PIEZO1: variants seen among roughly 807,000 people sequenced by gnomAD.
PIEZO1 encodes the protein piezo-type mechanosensitive ion channel component 1.
PIEZO1 carries 296 observed loss-of-function variants against 297.2 expected under a neutral mutation model. The observed-to-expected ratio is 1.00, with a 90% CI of 0.91 to 1.10. The LOEUF (loss-of-function observed/expected upper bound fraction) is 1.10. PIEZO1 is among the 50% of genes least tolerant of loss of function. PIEZO1 has a pLI of 0.00. For missense variants in PIEZO1, 5,018 were observed against 3,455.5 expected (o/e 1.45, Z -11.34); for synonymous variants, 2,427 against 1,507.5 (o/e 1.61, Z -14.13).
chr16:88,785,020 C>CGGTGCGGG lies in PIEZO1; in HGVS notation c.-64_-57dup. On this transcript the variant is annotated 5_prime_UTR_variant, in exon 1 of 51. An upstream open reading frame in the 5' UTR loses its in-frame stop. Transcript: ENST00000301015. ...GAGCGGACGCCGCGGCGCTATGGGG[C>CGGTGCGGG]GGTGCGGGGGCCCCGGGGCCGGCGC... The CGGTGCGGG allele has an allele frequency of 9.0e-7, 1 of 1,109,744 alleles. No individual in the cohort carries two copies. The highest frequency in any genetic ancestry group is 1.1e-6 in the Non-Finnish European group (1 of 888,618). 68.7% of individuals were successfully genotyped at this position (1,109,744 alleles called of 1,614,324 possible).
chr16:88,754,088 C>A (rs1214614345), intron 1 of PIEZO1, among the ~76,000 whole-genome samples: 1 of 152,194 alleles, frequency 6.6e-6, no homozygotes, highest in East Asian at 1.9e-4. Context: ...GGTTCCCAAC[C>A]CCCAACCCCC....
In PIEZO1 at chr16:88,727,561, G is replaced by A. The variant is rs1904543202; in HGVS notation, c.3297C>T (p.Leu1099=). The part of the protein sequence containing the change: ...DFFRAPNSTN[L]ISDFLLLLCA... ...GGGGTGGTGGGGGGCACTCACTGAT[G>A]AGGTTGGTGGAGTTGGGGGCCCGGA... The change falls in exon 23 of 51, where the codon CTC becomes CTT. Residue 1099 remains leucine (L), a synonymous_variant. Transcript: ENST00000301015. 3 of 1,419,794 alleles carry A rather than the reference G, an allele frequency of 2.1e-6. No individual in the cohort carries two copies. The highest frequency in any genetic ancestry group is 2.9e-6 in the Non-Finnish European group (3 of 1,040,494). The allele number at this position is 1,419,794 out of a possible 1,614,324, so 87.9% of individuals were successfully genotyped here. A position where few individuals can be genotyped will look rare whatever the true frequency, so the allele number is the denominator to read the frequency against.
chr16:88,749,512 ACAGAGGATGGCCAGCCCCACCC>A (rs896882960), intron 1 of PIEZO1, 33 bp from the exon 2 acceptor site: 3 of 1,475,476 alleles, frequency 2.0e-6, no homozygotes, highest in Non-Finnish European at 2.7e-6. Flanking sequence ...TAGGTCGCCA[ACAGAGGATGGCCAGCCCCACCC>A]CAGAGGACAG....
At chr16:88,723,519 G>T (rs185659354) in intron 31 of PIEZO1, among the ~76,000 whole-genome samples, 191 bp from the exon 32 acceptor site, 1 of 152,350 alleles carries the variant, frequency 6.6e-6, no homozygotes, top group East Asian at 1.9e-4. Flanking sequence ...CCATTCAGGA[G>T]TTGGGTGGGC....
chr16:88,715,541 C>G lies in PIEZO1; in HGVS notation c.*64G>C. On this transcript the variant is annotated 3_prime_UTR_variant, in exon 51 of 51. Transcript: ENST00000301015. Reference sequence around the variant, plus strand: ...GTGGCTCCCCCGGCCTGAGGAGTGCCGCCCCTTGTGGCCACGCTGCCCAGC... The same window carrying G: ...GTGGCTCCCCCGGCCTGAGGAGTGCGGCCCCTTGTGGCCACGCTGCCCAGC... The G allele has an allele frequency of 6.8e-7, 1 of 1,478,544 alleles. No individual in the cohort carries two copies. The highest frequency in any genetic ancestry group is 2.0e-5 in the Admixed American group (1 of 50,346). The allele number at this position is 1,478,544 out of a possible 1,614,324, so 91.6% of individuals were successfully genotyped here.
In PIEZO1 at chr16:88,715,339, C is replaced by CA. The variant is rs1555551669; in HGVS notation, c.*265_*266insT. The CA allele has an allele frequency of 4.5e-6, 6 of 1,335,110 alleles. No individual in the cohort carries two copies. In the East Asian group the frequency reaches 1.5e-4, roughly 32 times the overall value. The allele number at this position is 1,335,110 out of a possible 1,614,324, so 82.7% of individuals were successfully genotyped here. On this transcript the variant is annotated 3_prime_UTR_variant, in exon 51 of 51. Transcript: ENST00000301015. ...GAAGGCAAGGACGGGGGACTGGCCT[C>CA]TGATTGTCCATTTGTATAAATAAAA...
Position 88,720,632 on chromosome 16 carries a change from C to T in PIEZO1, c.5785G>A (p.Gly1929Ser), listed in dbSNP as rs1912368826. Residue 1929 changes from glycine to serine, a missense_variant, in exon 40 of 51, where the codon GGC becomes AGC. Transcript: ENST00000301015. ...ATCACTCACAGGGACAGGCAGAAGC[C>T]CTGCAGCCGCCGCCCGGCCGCCCTT... ...RVRAAGRRLQ[G>S]FCLSLAQGTY... The T allele has an allele frequency of 2.6e-6, 4 of 1,546,424 alleles. No homozygotes were observed. The highest frequency in any genetic ancestry group is 2.4e-5 in the South Asian group (2 of 83,942).
chr16:88,719,954 G>C lies in PIEZO1; in HGVS notation c.6171C>G (p.Phe2057Leu). 2 of 1,550,254 alleles carry C rather than the reference G, an allele frequency of 1.3e-6. No homozygotes were observed. Among genetic ancestry groups the C allele is most frequent in the African/African-American group, 2.7e-5 (2 of 73,148 alleles). The change falls in exon 43 of 51, where the codon TTC becomes TTG. Residue 2057 changes from phenylalanine (F) to leucine (L), a missense_variant. Coordinates refer to ENST00000301015, the MANE Select transcript of PIEZO1 (RefSeq NM_001142864.4). ...FILPAVTERM[F>L]NQNVVAQLWY... ...AGAGCTGGGCCACCACATTCTGGTT[G>C]AACATCCTGGGGCGGGATGGCCAGG...
intron 1 of PIEZO1, among the ~76,000 whole-genome samples, chr16:88,778,162 G>A (rs893301519): frequency 6.6e-6 from 1 of 152,246 alleles, no homozygotes; most frequent in Non-Finnish European, 1.5e-5. Flanking sequence ...TGCCGCTCCC[G>A]GACCGGTGTA....
intron 42 of PIEZO1, 51 bp from the exon 43 acceptor site, chr16:88,720,011 GC>G: frequency 6.5e-7 from 1 of 1,548,892 alleles, no homozygotes; most frequent in Non-Finnish European, 8.7e-7. Flanking sequence ...GCCCCGCAGG[GC>G]CCCCAGCCTG....
intron 1 of PIEZO1, among the ~76,000 whole-genome samples, chr16:88,759,701 C>T (rs951698320): frequency 1.3e-5 from 2 of 152,204 alleles, no homozygotes; most frequent in African/African-American, 2.4e-5. Context: ...AGGGCTCAGA[C>T]GGATCCCACT....
chr16:88,724,255 G>T (rs1412147154), intron 30 of PIEZO1, among the ~76,000 whole-genome samples: 1 of 152,264 alleles, frequency 6.6e-6, no homozygotes, highest in African/African-American at 2.4e-5. Flanking sequence ...AACAGGCCGG[G>T]CACGGTGGCT....
chr16:88,757,031 A>G (rs1282066115), intron 1 of PIEZO1, among the ~76,000 whole-genome samples: 9 of 152,138 alleles, frequency 5.9e-5, no homozygotes, highest in African/African-American at 1.7e-4. Flanking sequence ...AGCCGAGATC[A>G]GGACACTGCA....
chr16:88,782,934 G>T lies in PIEZO1; in HGVS notation c.64+1967C>A, dbSNP rs117143399. 2.3e-3 allele frequency among the ~76,000 whole-genome samples: 353 copies of T among 152,316 alleles called. 6 individuals are homozygous for T. In the East Asian group the frequency reaches 0.051, roughly 22 times the overall value. On this transcript the variant is annotated intron_variant, in intron 1 of 50. Coordinates refer to ENST00000301015, the MANE Select transcript of PIEZO1 (RefSeq NM_001142864.4). Reference sequence around the variant, plus strand: ...ACACTGAGTGAGGCCCAGGCCCCACGCCCCATCCCCAGACACAGAATCAGT... The same window carrying T: ...ACACTGAGTGAGGCCCAGGCCCCACTCCCCATCCCCAGACACAGAATCAGT...
chr16:88,749,013 G>A (rs190964612), intron 2 of PIEZO1, among the ~76,000 whole-genome samples: 75 of 150,800 alleles, frequency 5.0e-4, no homozygotes, highest in South Asian at 8.4e-4. Context: ...CGAGGCGGGC[G>A]GATCACAAGG....
At position 88,715,671 on chromosome 16, in the gene PIEZO1, G is replaced by A. The variant is rs1061228; in HGVS notation, c.7500C>T (p.Tyr2500=). The A allele has an allele frequency of 0.12, 190,272 of 1,550,144 alleles. 12,615 individuals carry two copies. Among genetic ancestry groups the A allele is most frequent in the East Asian group, 0.17 (6,773 of 40,908 alleles). The change falls in exon 51 of 51, where the codon TAC becomes TAT. Residue 2500 remains tyrosine, a synonymous_variant. Transcript: ENST00000301015. The part of the protein sequence containing the change: ...TRELELEEEL[Y]AKLIFLYRSP... ...AGCGGTAGAGGAAGATGAGCTTGGC[G>A]TACAACTCCTCCTCCAGCTCCAGCT... is the stretch of plus-strand genomic sequence containing the variant.
At chr16:88,777,041 C>T (rs1907698211) in intron 1 of PIEZO1, among the ~76,000 whole-genome samples, 2 of 151,764 alleles carry the variant, frequency 1.3e-5, no homozygotes, top group African/African-American at 2.4e-5. Context: ...GGTGTGATCT[C>T]GGCTCACTGC....
chr16:88,722,746 T>G, intron 34 of PIEZO1, 57 bp from the exon 35 acceptor site: 1 of 1,526,964 alleles, frequency 6.5e-7, no homozygotes. Context: ...CCACACGGGG[T>G]TTCGTGCAGT....
intron 1 of PIEZO1, among the ~76,000 whole-genome samples, chr16:88,761,613 G>C (rs1380579381): frequency 1.3e-5 from 2 of 152,100 alleles, no homozygotes; most frequent in Non-Finnish European, 2.9e-5. Context: ...CATGGTACTT[G>C]GGGTCCGCAG....
Sources: gnomAD v4.1 joint callset for allele counts (sites outside exome capture counted in the v4.1 genomes callset) on GRCh38, gnomAD v4.1.1 for gene constraint, MANE v1.5 for transcripts, NCBI Gene and HGNC (gene_info 2026-07-23, HGNC 2026-07-21) for gene names.